Variants in POLR3B observed in about 807,000 individuals in gnomAD.
POLR3B encodes the protein DNA-directed RNA polymerase III subunit RPC2.
In POLR3B, 96 loss-of-function variants were observed where a neutral mutation model predicts 147.4. The ratio of observed to expected loss-of-function variants is 0.65; its 90% CI spans 0.55 to 0.77. The LOEUF (loss-of-function observed/expected upper bound fraction) is 0.77. Among genes scored for constraint, POLR3B ranks in the 30% least tolerant of loss-of-function variants. The pLI is 0.00. For synonymous variants in POLR3B, 461 were observed against 485.9 expected, an observed-to-expected ratio of 0.95 and a Z score of 0.67; for missense variants, 1,036 against 1,413.5, an observed-to-expected ratio of 0.73 and a Z score of 4.28.
intron 22 of POLR3B, among the ~76,000 whole-genome samples, chr12:106,460,167 A>G (rs1401735933): frequency 6.6e-6 from 1 of 152,190 alleles, no homozygotes; most frequent in Non-Finnish European, 1.5e-5. Flanking sequence ...TGCCAGCGAT[A>G]TAGAGCTGAA....
At chr12:106,375,401 T>C (rs1318307158) in intron 6 of POLR3B, among the ~76,000 whole-genome samples, 1 of 152,220 alleles carries the variant, frequency 6.6e-6, no homozygotes, top group East Asian at 1.9e-4. Flanking sequence ...TCTCTTTGAA[T>C]AGGACTTCTC....
intron 19 of POLR3B, among the ~76,000 whole-genome samples, chr12:106,450,581 T>A (rs2037781995): frequency 6.6e-6 from 1 of 152,152 alleles, no homozygotes; most frequent in African/African-American, 2.4e-5. Flanking sequence ...CATGACCAAA[T>A]AAGCACATGA....
intron 23 of POLR3B, among the ~76,000 whole-genome samples, chr12:106,469,160 T>A (rs1485528703): frequency 1.3e-5 from 2 of 152,206 alleles, no homozygotes; most frequent in Non-Finnish European, 2.9e-5. Flanking sequence ...GATAGTTAGC[T>A]CTTCTTGTTG....
intron 16 of POLR3B, among the ~76,000 whole-genome samples, chr12:106,434,844 T>C (rs560058145): frequency 3.4e-4 from 52 of 152,262 alleles, no homozygotes; most frequent in African/African-American, 1.1e-3. Context: ...CCTGTCCCCA[T>C]TGGCAGGCTT....
intron 9 of POLR3B, among the ~76,000 whole-genome samples, chr12:106,384,476 G>A (rs2036807760): frequency 6.6e-6 from 1 of 152,182 alleles, no homozygotes; most frequent in Admixed American, 6.5e-5. Context: ...TCACAGATAT[G>A]CACTGACACA....
chr12:106,357,915 T>A lies in POLR3B; in HGVS notation c.36T>A (p.Thr12=). ...DVLAEEFGNL[T]PEQLAAPIPT... is the part of the protein sequence containing the mutation. ...TAGCGGAGGAGTTTGGGAACCTGAC[T>A]CCGGAGCAGCTGGCGGCGCCGATCC... Residue 12 remains threonine, a synonymous_variant, in exon 1 of 28, where the codon ACT becomes ACA. Transcript: ENST00000228347. 1.2e-6 allele frequency: 2 copies of A among 1,613,548 alleles called. No homozygotes were observed. Among genetic ancestry groups the A allele is most frequent in the Non-Finnish European group, 1.7e-6 (2 of 1,179,988 alleles).
At chr12:106,446,715 GGAAGACAAAAGCCACT>G (rs2037730754) in intron 19 of POLR3B, among the ~76,000 whole-genome samples, 1 of 152,092 alleles carries the variant, frequency 6.6e-6, no homozygotes, top group African/African-American at 2.4e-5. Flanking sequence ...GCTGACGCTA[GGAAGACAAAAGCCACT>G]GAATATCTTA....
intron 10 of POLR3B, among the ~76,000 whole-genome samples, chr12:106,393,529 G>A (rs2036942782): frequency 7.0e-6 from 1 of 142,878 alleles, no homozygotes; most frequent in Non-Finnish European, 1.5e-5. Context: ...GTGTGTGTGT[G>A]TATGTGTGCA....
chr12:106,484,443 C>A (rs1236230118), intron 23 of POLR3B, among the ~76,000 whole-genome samples: 1 of 151,908 alleles, frequency 6.6e-6, no homozygotes, highest in Non-Finnish European at 1.5e-5. Context: ...TCTGTTCTCC[C>A]GGGATTTGTG....
chr12:106,402,659 T>C (rs1744853738), intron 10 of POLR3B, among the ~76,000 whole-genome samples: 2 of 151,958 alleles, frequency 1.3e-5, no homozygotes. Flanking sequence ...ATGCCACATA[T>C]CTACAACTAT....
At position 106,430,370 on chromosome 12, in the gene POLR3B, G is replaced by A; in HGVS notation, c.1361G>A (p.Arg454Lys). The A allele has an allele frequency of 6.2e-7, 1 of 1,614,080 alleles. No individual in the cohort carries two copies. Among genetic ancestry groups the A allele is most frequent in the Non-Finnish European group, 8.5e-7 (1 of 1,179,958 alleles). ...SYISALGMMT[R>K]ISSQFEKTRK... is the part of the protein sequence containing the mutation. ...ATATCCGCACTGGGCATGATGACAA[G>A]AATCTCTTCCCAGTTTGAAAAAACG... The change falls in exon 14 of 28, where the codon AGA becomes AAA. Residue 454 changes from arginine (R) to lysine (K), a missense_variant. Physicochemically the swap from Arg to Lys is conservative, Grantham distance 26. Coordinates refer to ENST00000228347, the MANE Select transcript of POLR3B (RefSeq NM_018082.6).
chr12:106,419,198 AG>A (rs1243975629), intron 12 of POLR3B, among the ~76,000 whole-genome samples: 1 of 152,130 alleles, frequency 6.6e-6, no homozygotes, highest in African/African-American at 2.4e-5. Context: ...TCTTTCCAAG[AG>A]TGAAACTGCT....
At position 106,501,362 on chromosome 12, in the gene POLR3B, C is replaced by T. The variant is rs1340265040; in HGVS notation, c.3024C>T (p.Tyr1008=). Residue 1008 remains tyrosine (Y), a synonymous_variant, in exon 26 of 28, where the codon TAC becomes TAT. Transcript: ENST00000228347. ...CATACATCTATTTTGGCCCCGTGTA[C>T]TATCAGAAGCTGAAACACATGGTGC... ...LEAYIYFGPV[Y]YQKLKHMVLD... is the part of the protein sequence containing the mutation. 6.2e-7 allele frequency: 1 copy of T among 1,613,590 alleles called. No individual in the cohort carries two copies. The highest frequency in any genetic ancestry group is 8.5e-7 in the Non-Finnish European group (1 of 1,179,600).
chr12:106,408,565 AG>A (rs1215594802), intron 11 of POLR3B, among the ~76,000 whole-genome samples: 1 of 152,168 alleles, frequency 6.6e-6, no homozygotes, highest in African/African-American at 2.4e-5. Context: ...AAGAGTGGTT[AG>A]GCTCCAAGAT....
chr12:106,434,285 TAA>T (rs911728737), intron 16 of POLR3B, among the ~76,000 whole-genome samples: 6 of 152,206 alleles, frequency 3.9e-5, no homozygotes, highest in African/African-American at 1.2e-4. Context: ...TACTGAAAGC[TAA>T]AGAGTGGTGG....
intron 2 of POLR3B, among the ~76,000 whole-genome samples, chr12:106,364,354 C>T (rs1185280858): frequency 6.6e-6 from 1 of 152,168 alleles, no homozygotes; most frequent in Non-Finnish European, 1.5e-5. Context: ...GATGTGGTGT[C>T]GGGCTTCAAT....
At chr12:106,400,532 GCACCA>G (rs1367155679) in intron 10 of POLR3B, among the ~76,000 whole-genome samples, 1 of 152,128 alleles carries the variant, frequency 6.6e-6, no homozygotes, top group African/African-American at 2.4e-5. Context: ...ATTCTTTTCA[GCACCA>G]CACCACACCT....
intron 13 of POLR3B, among the ~76,000 whole-genome samples, chr12:106,427,808 A>G (rs1213384844): frequency 6.6e-6 from 1 of 152,154 alleles, no homozygotes; most frequent in Non-Finnish European, 1.5e-5. Context: ...TTCTGGATGA[A>G]TTCAGTTCTC....
chr12:106,405,694 G>T (rs2037142046), intron 10 of POLR3B, among the ~76,000 whole-genome samples, 163 bp from the exon 11 acceptor site: 1 of 151,972 alleles, frequency 6.6e-6, no homozygotes, highest in Non-Finnish European at 1.5e-5. Context: ...TATGCTTTTT[G>T]TCATTGATTT....
Sources: gnomAD v4.1 joint callset for allele counts (sites outside exome capture counted in the v4.1 genomes callset) on GRCh38, gnomAD v4.1.1 for gene constraint, MANE v1.5 for transcripts, NCBI Gene and HGNC (gene_info 2026-07-23, HGNC 2026-07-21) for gene names.